The following MMP24 variants were observed in gnomAD, a reference collection of about 807,000 sequenced individuals.
MMP24 encodes matrix metalloproteinase-24.
In MMP24, 25 loss-of-function variants were observed where a neutral mutation model predicts 62.8. The ratio of observed to expected loss-of-function variants is 0.40; its 90% CI spans 0.29 to 0.56. The LOEUF is 0.56. MMP24 is among the 20% of genes least tolerant of loss of function. The pLI, the probability that MMP24 is intolerant of heterozygous loss-of-function variation, is 0.50. For synonymous variants in MMP24, 319 were observed against 350.5 expected (o/e 0.91, Z 1.00); for missense variants, 634 against 853.6 (o/e 0.74, Z 3.21).
chr20:35,247,803 CTTG>C (rs1163639009), intron 2 of MMP24, among the ~76,000 whole-genome samples: 1 of 152,128 alleles, frequency 6.6e-6, no homozygotes, highest in African/African-American at 2.4e-5. Flanking sequence ...TGACAAAGAG[CTTG>C]TTGTTAACCT....
At chr20:35,242,168 C>A (rs1268392895) in intron 1 of MMP24, among the ~76,000 whole-genome samples, 1 of 152,012 alleles carries the variant, frequency 6.6e-6, no homozygotes, top group Non-Finnish European at 1.5e-5. Context: ...CCCGTCCCTA[C>A]TAAAAATACA....
chr20:35,247,117 G>A lies in MMP24; in HGVS notation c.395+129G>A. 4 of 1,124,806 alleles carry A rather than the reference G, an allele frequency of 3.6e-6. No individual in the cohort carries two copies. The Admixed American group carries it at 8.4e-5, about 24-fold the overall frequency. 69.7% of individuals were successfully genotyped at this position (1,124,806 alleles called of 1,614,324 possible). ...TCTTTTATTCCTGCAGTGCCATCCTGGGAAAGAATATCTCGATGTGAGTTG... is the reference window on the plus strand; with the variant it reads ...TCTTTTATTCCTGCAGTGCCATCCTAGGAAAGAATATCTCGATGTGAGTTG... On this transcript the variant is annotated intron_variant, in intron 2 of 8. Coordinates refer to ENST00000246186, the MANE Select transcript of MMP24 (RefSeq NM_006690.4).
chr20:35,242,444 G>A (rs1355336841), intron 1 of MMP24, among the ~76,000 whole-genome samples: 1 of 152,096 alleles, frequency 6.6e-6, no homozygotes, highest in Non-Finnish European at 1.5e-5. Flanking sequence ...AAAAAGTAAT[G>A]GTTACTTCCA....
intron 2 of MMP24, among the ~76,000 whole-genome samples, chr20:35,249,452 T>C (rs1041044632): frequency 1.3e-5 from 2 of 152,264 alleles, no homozygotes; most frequent in Non-Finnish European, 2.9e-5. Flanking sequence ...AGCTCCAGGC[T>C]TTGTTAAATT....
chr20:35,272,047 G>A (rs149922703), intron 8 of MMP24: 14 of 613,824 alleles, frequency 2.3e-5, no homozygotes, highest in African/African-American at 7.4e-5. Context: ...AATGATTCAC[G>A]GCAGAGAGAC....
chr20:35,269,096 GCC>G lies in MMP24; in HGVS notation c.1195-662_1195-661del, dbSNP rs923102727. Among the ~76,000 whole-genome samples, 8 of 151,764 alleles carry G rather than the reference GCC, an allele frequency of 5.3e-5. No homozygotes were observed. The highest frequency in any genetic ancestry group is 1.0e-4 in the Non-Finnish European group (7 of 68,006). ...CCTTGCCTAGACTGCTTGTGTACCAGCCCAAGACTGAGGCACCAGTTACAAGA... is the reference window on the plus strand; with the variant it reads ...CCTTGCCTAGACTGCTTGTGTACCAGCAAGACTGAGGCACCAGTTACAAGA... On this transcript the variant is annotated intron_variant, in intron 6 of 8. Coordinates refer to ENST00000246186, the MANE Select transcript of MMP24 (RefSeq NM_006690.4). This position sits in a 1 kb window ranked among gnomAD's most constrained non-coding sequence, Gnocchi z 4.6.
At position 35,247,780 on chromosome 20, in the gene MMP24, C is replaced by T. The variant is rs1405591048; in HGVS notation, c.395+792C>T. Among the ~76,000 whole-genome samples, 4 of 152,302 alleles carry T rather than the reference C, an allele frequency of 2.6e-5. No homozygotes were observed. In the East Asian group the frequency reaches 5.8e-4, roughly 22 times the overall value. ...CAACAGGAGCATGGCTGAAAGTTGT[C>T]TGCTGGGTTTAGTGACAAAGAGCTT... On this transcript the variant is annotated intron_variant, in intron 2 of 8. Transcript: ENST00000246186.
chr20:35,236,973 CAAAA>C (rs10710875), intron 1 of MMP24, among the ~76,000 whole-genome samples: 1 of 76,480 alleles, frequency 1.3e-5, no homozygotes, highest in African/African-American at 4.3e-5. Flanking sequence ...GACACCATCT[CAAAA>C]AAAAAAAAAA....
chr20:35,273,947 T>C (rs2060687865), intron 8 of MMP24, among the ~76,000 whole-genome samples: 1 of 152,152 alleles, frequency 6.6e-6, no homozygotes, highest in African/African-American at 2.4e-5. Flanking sequence ...AAGGGGGACC[T>C]GTGCGCACAG....
rs921298905 is a variant in MMP24 at position 35,270,660 on chromosome 20, G to A, written c.1333+762G>A. Among the ~76,000 whole-genome samples, 3 of 152,192 alleles carry A rather than the reference G, an allele frequency of 2.0e-5. No homozygotes were observed. In the South Asian group the frequency reaches 6.2e-4, roughly 31 times the overall value. On this transcript the variant is annotated intron_variant, in intron 7 of 8. Transcript: ENST00000246186. Reference sequence around the variant, plus strand: ...CATTTCTGAGGTGGTTCTGGAGCGCGCCACTCATGAGGCCCAAATGAGGGA... The same window carrying A: ...CATTTCTGAGGTGGTTCTGGAGCGCACCACTCATGAGGCCCAAATGAGGGA...
chr20:35,240,100 T>C (rs2060482447), intron 1 of MMP24, among the ~76,000 whole-genome samples: 1 of 152,198 alleles, frequency 6.6e-6, no homozygotes, highest in Non-Finnish European at 1.5e-5. Context: ...TGGATACTTG[T>C]AGGCACTGCC....
rs1217531275 is a variant in MMP24 at position 35,251,946 on chromosome 20, A to C, written c.437A>C (p.His146Pro). The C allele has an allele frequency of 1.2e-6, 2 of 1,613,986 alleles. No homozygotes were observed. The highest frequency in any genetic ancestry group is 1.7e-6 in the Non-Finnish European group (2 of 1,179,886). The change falls in exon 3 of 9, where the codon CAC (histidine) becomes CCC (proline). Residue 146 changes from histidine to proline, a missense_variant. Around this residue, in one of 3 missense-constraint regions of MMP24, gnomAD observed 212 missense variants for 259.6 expected, o/e 0.82. Transcript: ENST00000246186. Reference sequence around the variant, plus strand: ...CGATGTGGTGTCCCTGATCACCCCCACTTAAGCCGTAGGCGGAGAAACAAG... The same window carrying C: ...CGATGTGGTGTCCCTGATCACCCCCCCTTAAGCCGTAGGCGGAGAAACAAG... ...KPRCGVPDHP[H>P]LSRRRRNKRY...
intron 1 of MMP24, among the ~76,000 whole-genome samples, chr20:35,232,635 C>T (rs1189802084): frequency 2.0e-5 from 3 of 152,020 alleles, no homozygotes; most frequent in African/African-American, 7.2e-5. Flanking sequence ...GTGGGGCAGT[C>T]CAGGCAGAAT....
intron 4 of MMP24, 113 bp from the exon 5 acceptor site, chr20:35,263,678 A>C: frequency 1.1e-6 from 1 of 879,638 alleles, no homozygotes; most frequent in Non-Finnish European, 1.7e-6. Context: ...CCTGGTGTCC[A>C]GCACGGGGCC....
At chr20:35,258,771 C>A (rs1284957203) in intron 4 of MMP24, among the ~76,000 whole-genome samples, 2 of 151,704 alleles carry the variant, frequency 1.3e-5, no homozygotes, top group African/African-American at 4.8e-5. Context: ...CTGACCCAAC[C>A]ATTATACAAT....
At chr20:35,246,734 G>T in intron 1 of MMP24, 106 bp from the exon 2 acceptor site, 1 of 1,317,514 alleles carries the variant, frequency 7.6e-7, no homozygotes, top group Non-Finnish European at 1.1e-6. Context: ...ATGAGTCCAG[G>T]AGTCACTGGG....
At chr20:35,259,402 A>G (rs1466602699) in intron 4 of MMP24, among the ~76,000 whole-genome samples, 1 of 152,106 alleles carries the variant, frequency 6.6e-6, no homozygotes, top group Non-Finnish European at 1.5e-5. Flanking sequence ...CTTGTCCTCA[A>G]GGAACCCACA....
Position 35,276,279 on chromosome 20 carries a change from G to A in MMP24, c.*1670G>A. The A allele has an allele frequency of 2.5e-6, 1 of 399,106 alleles. No individual in the cohort carries two copies. The highest frequency in any genetic ancestry group is 4.4e-6 in the Non-Finnish European group (1 of 226,102). 24.7% of individuals were successfully genotyped at this position (399,106 alleles called of 1,614,324 possible). On this transcript the variant is annotated 3_prime_UTR_variant, in exon 9 of 9. Transcript: ENST00000246186. ...ATCATCCTTGTTTTTTCTCATTTTG[G>A]CCAAGGGCAGGCTCCCTGGGACAGG... is the stretch of plus-strand genomic sequence containing the variant.
intron 5 of MMP24, 89 bp downstream of exon 5, chr20:35,264,041 G>A (rs541986215): frequency 5.8e-6 from 8 of 1,376,860 alleles, no homozygotes; most frequent in Admixed American, 5.0e-5. Context: ...GAGGGAGGGG[G>A]ACGTTGCTAT....
Sources: allele counts gnomAD v4.1 joint callset (sites outside exome capture counted in the v4.1 genomes callset), GRCh38; gene constraint gnomAD v4.1.1; regional missense constraint gnomAD v4.1.1; non-coding constraint Gnocchi (gnomAD v3.1); transcripts MANE v1.5; gene names NCBI Gene and HGNC (gene_info 2026-07-23, HGNC 2026-07-21).